Variants in CAPN1 observed in about 807,000 individuals in gnomAD.
CAPN1 encodes the protein calpain 1.
CAPN1 carries 77 observed loss-of-function variants against 105.2 expected under a neutral mutation model. The ratio of observed to expected loss-of-function variants is 0.73; its 90% CI spans 0.61 to 0.88. The LOEUF (loss-of-function observed/expected upper bound fraction) is 0.88. Ranked by LOEUF, CAPN1 falls within the 40% of genes least tolerant of loss-of-function variation. CAPN1 has a pLI of 0.00. For synonymous variants in CAPN1, 355 were observed against 388.8 expected (o/e 0.91, Z 1.02); for missense variants, 833 against 976.6 (o/e 0.85, Z 1.96).
Position 65,182,722 on chromosome 11 carries a change from G to A in CAPN1, c.21G>A (p.Thr7=), listed in dbSNP as rs754042964. 4.4e-6 allele frequency: 7 copies of A among 1,576,170 alleles called. No individual in the cohort carries two copies. Among genetic ancestry groups the A allele is most frequent in the Admixed American group, 3.7e-5 (2 of 54,558 alleles). Residue 7 remains threonine, a synonymous_variant, in exon 2 of 22, where the codon ACG becomes ACA. Coordinates refer to ENST00000279247, the MANE Select transcript of CAPN1 (RefSeq NM_005186.4). ...GCAGGATGTCGGAGGAGATCATCAC[G>A]CCGGTGTACTGCACTGGGGTGTCAG... MSEEII[T]PVYCTGVSAQ...
At chr11:65,207,655 G>A (rs181489548) in intron 14 of CAPN1, among the ~76,000 whole-genome samples, 1 of 151,790 alleles carries the variant, frequency 6.6e-6, no homozygotes, top group Non-Finnish European at 1.5e-5. Flanking sequence ...GCTCACGCCT[G>A]TAATCCTAGC....
chr11:65,210,013 C>T lies in CAPN1; in HGVS notation c.1864-5C>T, dbSNP rs183407473. On this transcript the variant is annotated splice_region_variant and splice_polypyrimidine_tract_variant and intron_variant, in intron 18 of 21. Coordinates refer to ENST00000279247, the MANE Select transcript of CAPN1 (RefSeq NM_005186.4). This position sits in a 1 kb window ranked among gnomAD's most constrained non-coding sequence, Gnocchi z 4.3. ...CCTGGCCCTCACCCTCTGCCGCCAC[C>T]TCAGTCCATCTTCCGGAAGTTTGAC... 1,127 of 1,613,218 alleles carry T rather than the reference C, an allele frequency of 7.0e-4. 9 individuals carry two copies. The East Asian group carries it at 0.019, about 28-fold the overall frequency.
intron 7 of CAPN1, chr11:65,187,598 G>T: frequency 4.0e-6 from 2 of 498,984 alleles, no homozygotes; most frequent in Non-Finnish European, 7.3e-6. Flanking sequence ...GTTAAAGTGC[G>T]TGCATGGGCC....
intron 10 of CAPN1, among the ~76,000 whole-genome samples, chr11:65,191,419 C>A (rs1948717169): frequency 1.3e-5 from 2 of 152,100 alleles, no homozygotes; most frequent in African/African-American, 4.8e-5. Flanking sequence ...CTTACTGATT[C>A]ATCTGTATGT....
rs1157926837 is a variant in CAPN1 at position 65,182,895 on chromosome 11, C to T, written c.194C>T (p.Pro65Leu). The T allele has an allele frequency of 6.2e-7, 1 of 1,608,054 alleles. No homozygotes were observed. Among genetic ancestry groups the T allele is most frequent in the Non-Finnish European group, 8.5e-7 (1 of 1,177,456 alleles). ...CGTGATGAGGCCTTCCCCCCGGTACCCCAGAGCCTGGGTTACAAGGACCTG... is the reference window on the plus strand; with the variant it reads ...CGTGATGAGGCCTTCCCCCCGGTACTCCAGAGCCTGGGTTACAAGGACCTG... ...LFRDEAFPPV[P>L]QSLGYKDLGP... The change falls in exon 2 of 22, where the codon CCC becomes CTC. Residue 65 changes from proline to leucine, a missense_variant. Pro to Leu is a moderately conservative substitution (Grantham distance 98, BLOSUM62 -3). Transcript: ENST00000279247.
chr11:65,199,353 G>GA (rs1948835296), intron 10 of CAPN1, among the ~76,000 whole-genome samples: 4 of 151,996 alleles, frequency 2.6e-5, no homozygotes, highest in South Asian at 2.1e-4. Context: ...TTGCCTTCTG[G>GA]AAAAAATCTT....
At position 65,209,277 on chromosome 11, in the gene CAPN1, CA is replaced by C. The variant is rs747581707; in HGVS notation, c.1730-45del. The C allele has an allele frequency of 3.9e-6, 6 of 1,537,778 alleles. No homozygotes were observed. In the Admixed American group the frequency reaches 1.1e-4, roughly 27 times the overall value. On this transcript the variant is annotated intron_variant, in intron 16 of 21. Coordinates refer to ENST00000279247, the MANE Select transcript of CAPN1 (RefSeq NM_005186.4). This position sits in a 1 kb window ranked among gnomAD's most constrained non-coding sequence, Gnocchi z 4.1. The stretch of plus-strand genomic sequence containing the variant: ...CCAGTGCTCCCAGCAGGGGCAGGTG[CA>C]GGAAGCTCACTAGGTGGAGATGTTG...
In CAPN1 at chr11:65,188,371, A is replaced by C. The variant is rs548225843; in HGVS notation, c.930-43A>C. 1.4e-4 allele frequency: 222 copies of C among 1,532,684 alleles called. 4 individuals are homozygous for C. In the South Asian group the frequency reaches 2.3e-3, roughly 16 times the overall value. The allele number at this position is 1,532,684 out of a possible 1,614,324, so 94.9% of individuals were successfully genotyped here. A position where few individuals can be genotyped will look rare whatever the true frequency, so the allele number is the denominator to read the frequency against. ...CAGGCCCCAGGGACAGAGGCCAGGC[A>C]GGTCAGTGCCCACCAGCCCTGGCAG... On this transcript the variant is annotated intron_variant, in intron 8 of 21. Transcript: ENST00000279247. This position sits in a 1 kb window ranked among gnomAD's most constrained non-coding sequence, Gnocchi z 5.5.
chr11:65,206,651 C>G lies in CAPN1; in HGVS notation c.1542C>G (p.Phe514Leu). The G allele has an allele frequency of 6.2e-7, 1 of 1,613,400 alleles. No homozygotes were observed. Among genetic ancestry groups the G allele is most frequent in the Non-Finnish European group, 8.5e-7 (1 of 1,179,856 alleles). The change falls in exon 13 of 22, where the codon TTC (phenylalanine) becomes TTG (leucine). Residue 514 changes from phenylalanine to leucine, a missense_variant. Phe to Leu is a conservative substitution (Grantham distance 22). Coordinates refer to ENST00000279247, the MANE Select transcript of CAPN1 (RefSeq NM_005186.4). Reference protein sequence around the residue: ...NKEGDFVLRFFSEKSAGTVEL... With the variant: ...NKEGDFVLRFLSEKSAGTVEL... ...AGGGCGACTTCGTGCTGCGCTTCTT[C>G]TCAGAGAAGAGTGCTGGGACTGTGT...
intron 10 of CAPN1, among the ~76,000 whole-genome samples, chr11:65,200,702 G>A (rs556507859): frequency 2.0e-5 from 3 of 152,094 alleles, no homozygotes; most frequent in African/African-American, 4.8e-5. Flanking sequence ...GTGCAGTGGT[G>A]CAATCATAGC....
intron 10 of CAPN1, among the ~76,000 whole-genome samples, chr11:65,194,525 T>C (rs1362005796): frequency 1.3e-5 from 2 of 152,194 alleles, no homozygotes; most frequent in Non-Finnish European, 1.5e-5. Flanking sequence ...GCATTGCCGT[T>C]ATCCAGAGCA....
Position 65,188,163 on chromosome 11 carries a change from G to A in CAPN1, c.929+123G>A, listed in dbSNP as rs1948664691. The stretch of plus-strand genomic sequence containing the variant: ...ATTGAGCAGAGGGGCCCATCTTCGC[G>A]CGACTGGGTCTGGGGGACTGCTCTG... On this transcript the variant is annotated intron_variant, in intron 8 of 21. Coordinates refer to ENST00000279247, the MANE Select transcript of CAPN1 (RefSeq NM_005186.4). This position sits in a 1 kb window ranked among gnomAD's most constrained non-coding sequence, Gnocchi z 5.5. 5.3e-6 allele frequency: 4 copies of A among 757,180 alleles called. No homozygotes were observed. Among genetic ancestry groups the A allele is most frequent in the South Asian group, 1.8e-5 (1 of 54,366 alleles). The allele number at this position is 757,180 out of a possible 1,614,324, so 46.9% of individuals were successfully genotyped here. A position where few individuals can be genotyped will look rare whatever the true frequency, so the allele number is the denominator to read the frequency against.
Position 65,209,450 on chromosome 11 carries a change from G to A in CAPN1, c.1794+63G>A. 1 of 1,375,832 alleles carries A rather than the reference G, an allele frequency of 7.3e-7. No individual in the cohort carries two copies. Among genetic ancestry groups the A allele is most frequent in the Non-Finnish European group, 1.0e-6 (1 of 974,284 alleles). 85.2% of individuals were successfully genotyped at this position (1,375,832 alleles called of 1,614,324 possible). On this transcript the variant is annotated intron_variant, in intron 17 of 21. Transcript: ENST00000279247. The surrounding 1 kb of genome is among the most constrained non-coding windows in gnomAD (Gnocchi z 4.1). ...TTGGGTGGAGGTATCGGTGCTGGGAGAACTGTCCCAGGACAGCACAGAGAA... is the reference window on the plus strand; with the variant it reads ...TTGGGTGGAGGTATCGGTGCTGGGAAAACTGTCCCAGGACAGCACAGAGAA...
intron 4 of CAPN1, among the ~76,000 whole-genome samples, chr11:65,184,152 G>A (rs975772551): frequency 9.2e-5 from 14 of 152,290 alleles, no homozygotes; most frequent in Middle Eastern, 3.4e-3. Flanking sequence ...AACCCTGGAT[G>A]AGACTCTCCA....
intron 10 of CAPN1, among the ~76,000 whole-genome samples, chr11:65,195,100 GTTTTTTTTTTTT>G (rs60778423): frequency 3.3e-5 from 3 of 90,906 alleles, no homozygotes; most frequent in Non-Finnish European, 2.5e-5. Flanking sequence ...GTTTTTTGGG[GTTTTTTTTTTTT>G]TTTTTTTTTT....
intron 10 of CAPN1, 36 bp from the exon 11 acceptor site, chr11:65,204,647 C>T: frequency 6.3e-7 from 1 of 1,595,058 alleles, no homozygotes; most frequent in Non-Finnish European, 8.6e-7. Flanking sequence ...TCTGCCCCGC[C>T]CTGCCTCTGA....
chr11:65,190,720 T>TTG (rs201825315), intron 10 of CAPN1, among the ~76,000 whole-genome samples: 4,138 of 151,372 alleles, frequency 0.027, 190 homozygotes, highest in African/African-American at 0.093. Context: ...TTGTTTTTGT[T>TTG]TTTGTTTTTT....
Position 65,186,248 on chromosome 11 carries a change from G to T in CAPN1, c.669G>T (p.Glu223Asp). 6.2e-7 allele frequency: 1 copy of T among 1,613,690 alleles called. No homozygotes were observed. Among genetic ancestry groups the T allele is most frequent in the Non-Finnish European group, 8.5e-7 (1 of 1,179,732 alleles). Residue 223 changes from glutamate to aspartate, a missense_variant, in exon 6 of 22, where the codon GAG becomes GAT. Transcript: ENST00000279247. ...GFEDFTGGVT[E>D]WYELRKAPSD... ...AGGACTTCACAGGCGGGGTTACCGA[G>T]TGGTACGAGTTGCGCAAGGCTCCCA...
At chr11:65,204,112 G>A (rs190300763) in intron 10 of CAPN1, among the ~76,000 whole-genome samples, 2 of 152,192 alleles carry the variant, frequency 1.3e-5, no homozygotes, top group African/African-American at 2.4e-5. Flanking sequence ...CTAAGCTGTT[G>A]TCCACGCAGC....
Sources: allele counts gnomAD v4.1 joint callset (sites outside exome capture counted in the v4.1 genomes callset), GRCh38; gene constraint gnomAD v4.1.1; non-coding constraint Gnocchi (gnomAD v3.1); transcripts MANE v1.5; gene names NCBI Gene and HGNC (gene_info 2026-07-23, HGNC 2026-07-21).